DLEC1: variants seen among roughly 807,000 people sequenced by gnomAD.
DLEC1 encodes DLEC1 cilia and flagella associated protein, also known as deleted in lung and esophageal cancer protein 1.
In DLEC1, 146 loss-of-function variants were observed where a neutral mutation model predicts 198.1. That is an observed-to-expected ratio of 0.74 (90% CI 0.64 to 0.85). DLEC1 has a LOEUF of 0.85. Among genes scored for constraint, DLEC1 ranks in the 40% least tolerant of loss-of-function variants. The pLI, the probability that DLEC1 is intolerant of heterozygous loss-of-function variation, is 0.00. For missense variants in DLEC1, 2,233 were observed against 2,220.0 expected (o/e 1.01, Z -0.12); for synonymous variants, 897 against 866.8 (o/e 1.03, Z -0.61).
chr3:38,096,510 C>T (rs1339358981), intron 14 of DLEC1, 59 bp from the exon 15 acceptor site: 3 of 1,542,766 alleles, frequency 1.9e-6, no homozygotes, highest in South Asian at 2.5e-5. Flanking sequence ...GAGGCAGGGA[C>T]ACTCTAGGAT....
chr3:38,123,183 G>A lies in DLEC1; in HGVS notation c.*771G>A. On this transcript the variant is annotated 3_prime_UTR_variant, in exon 37 of 37. Coordinates refer to ENST00000308059, the MANE Select transcript of DLEC1 (RefSeq NM_007335.4). ...ACCCACCAAATTACCTCCAGACCAG[G>A]CTGACCCAGAAGGACGTCATGGACA... 1 of 1,529,540 alleles carries A rather than the reference G, an allele frequency of 6.5e-7. No individual in the cohort carries two copies. The highest frequency in any genetic ancestry group is 9.1e-7 in the Non-Finnish European group (1 of 1,103,966). 94.7% of individuals were successfully genotyped at this position (1,529,540 alleles called of 1,614,324 possible).
Position 38,039,269 on chromosome 3 carries a change from G to C in DLEC1, c.44G>C (p.Arg15Pro), listed in dbSNP as rs748605134. The C allele has an allele frequency of 4.3e-6, 7 of 1,613,644 alleles. No homozygotes were observed. In the African/African-American group the frequency reaches 8.0e-5, roughly 18 times the overall value. Residue 15 changes from arginine to proline, a missense_variant, in exon 1 of 37, where the codon CGG becomes CCG. Arg to Pro is a moderately radical substitution (Grantham distance 103). Transcript: ENST00000308059. ...SSKTRRSLAS[R>P]TNECQGTMWA... is the part of the protein sequence containing the mutation. ...AAAACGCGGAGGTCTTTAGCGTCCC[G>C]GACCAACGAGTGCCAGGGGACAATG... is the stretch of plus-strand genomic sequence containing the variant.
At chr3:38,114,694 T>C (rs1700059135) in intron 26 of DLEC1, among the ~76,000 whole-genome samples, 2 of 151,910 alleles carry the variant, frequency 1.3e-5, no homozygotes, top group South Asian at 2.1e-4. Context: ...GAGTAGTCAG[T>C]GTGGTCCGAG....
chr3:38,118,268 G>C (rs888342181), intron 33 of DLEC1, among the ~76,000 whole-genome samples: 1 of 152,136 alleles, frequency 6.6e-6, no homozygotes, highest in Non-Finnish European at 1.5e-5. Flanking sequence ...ATGCATGCAC[G>C]TGCTCCATAA....
At chr3:38,051,536 CA>C (rs1429299459) in intron 2 of DLEC1, among the ~76,000 whole-genome samples, 1 of 152,212 alleles carries the variant, frequency 6.6e-6, no homozygotes, top group Non-Finnish European at 1.5e-5. Flanking sequence ...AGTGAGTGAC[CA>C]GGGGGCTACA....
Position 38,116,669 on chromosome 3 carries a change from G to C in DLEC1, c.4062+11G>C, listed in dbSNP as rs779100153. 1 of 1,613,726 alleles carries C rather than the reference G, an allele frequency of 6.2e-7. No individual in the cohort carries two copies. The highest frequency in any genetic ancestry group is 1.7e-4 in the Middle Eastern group (1 of 6,056). Reference sequence around the variant, plus strand: ...GAAACTGACTCATCAGTGAGCAGGGGTGGAGGGGCGGGGCAGGCTGGCCAC... The same window carrying C: ...GAAACTGACTCATCAGTGAGCAGGGCTGGAGGGGCGGGGCAGGCTGGCCAC... On this transcript the variant is annotated intron_variant, in intron 28 of 36. Coordinates refer to ENST00000308059, the MANE Select transcript of DLEC1 (RefSeq NM_007335.4).
intron 6 of DLEC1, among the ~76,000 whole-genome samples, chr3:38,066,547 C>A (rs923404530): frequency 6.6e-6 from 1 of 152,200 alleles, no homozygotes; most frequent in African/African-American, 2.4e-5. Flanking sequence ...GTAATTCCTG[C>A]AAGAGCAGAG....
intron 6 of DLEC1, among the ~76,000 whole-genome samples, chr3:38,080,198 G>A (rs971378791): frequency 1.3e-5 from 2 of 152,166 alleles, no homozygotes; most frequent in Admixed American, 6.5e-5. Context: ...CTGGGCAGGT[G>A]GGGGAGGGCT....
At chr3:38,050,292 A>C (rs1268324167) in intron 2 of DLEC1, among the ~76,000 whole-genome samples, 1 of 152,124 alleles carries the variant, frequency 6.6e-6, no homozygotes, top group Non-Finnish European at 1.5e-5. Context: ...CTGAGTTTCC[A>C]GATAACGTCT....
intron 6 of DLEC1, among the ~76,000 whole-genome samples, chr3:38,073,668 G>A (rs1242736375): frequency 6.6e-6 from 1 of 152,170 alleles, no homozygotes; most frequent in African/African-American, 2.4e-5. Flanking sequence ...AACTGAAAAA[G>A]AGTGCATAAA....
At chr3:38,066,946 C>G (rs1360108278) in intron 6 of DLEC1, among the ~76,000 whole-genome samples, 4 of 152,100 alleles carry the variant, frequency 2.6e-5, no homozygotes, top group African/African-American at 9.7e-5. Context: ...TGGCAAACAC[C>G]CAGAGGAAAG....
At position 38,117,511 on chromosome 3, in the gene DLEC1, G is replaced by A. The variant is rs1398488724; in HGVS notation, c.4401-16G>A. The A allele has an allele frequency of 6.2e-7, 1 of 1,614,152 alleles. No homozygotes were observed. The highest frequency in any genetic ancestry group is 1.7e-5 in the Admixed American group (1 of 60,024). On this transcript the variant is annotated splice_polypyrimidine_tract_variant and intron_variant, in intron 31 of 36. Coordinates refer to ENST00000308059, the MANE Select transcript of DLEC1 (RefSeq NM_007335.4). ...CAGGCGCCCGGCTTGCCCCAACAAT[G>A]CCTATTGCTGGGCAGGCTAAGTGTG...
At chr3:38,084,518 GGTAGTAGTAGTA>G (rs1559430635) in intron 7 of DLEC1, among the ~76,000 whole-genome samples, 5 of 78,270 alleles carry the variant, frequency 6.4e-5, no homozygotes, top group East Asian at 8.5e-4. Flanking sequence ...TAGTAGTAGT[GGTAGTAGTAGTA>G]GTGGTGGTGG....
chr3:38,110,354 G>A, intron 23 of DLEC1, 73 bp downstream of exon 23: 1 of 1,559,934 alleles, frequency 6.4e-7, no homozygotes, highest in South Asian at 1.1e-5. Context: ...CCTCTGTGTG[G>A]CTTAGGTGGC....
At chr3:38,070,074 G>A (rs377624150) in intron 6 of DLEC1, among the ~76,000 whole-genome samples, 3 of 152,170 alleles carry the variant, frequency 2.0e-5, no homozygotes, top group Non-Finnish European at 4.4e-5. Flanking sequence ...AACAAAAGAT[G>A]TGTACCTGTA....
chr3:38,116,690 G>A, intron 28 of DLEC1, 32 bp downstream of exon 28: 1 of 1,610,770 alleles, frequency 6.2e-7, no homozygotes, highest in East Asian at 2.2e-5. Flanking sequence ...GGGCAGGCTG[G>A]CCACTGAGGG....
In DLEC1 at chr3:38,123,137, C is replaced by T; in HGVS notation, c.*725C>T. The T allele has an allele frequency of 1.2e-6, 2 of 1,614,012 alleles. No individual in the cohort carries two copies. Among genetic ancestry groups the T allele is most frequent in the Non-Finnish European group, 1.7e-6 (2 of 1,179,900 alleles). On this transcript the variant is annotated 3_prime_UTR_variant, in exon 37 of 37. Transcript: ENST00000308059. ...CTCCGTATGCCCTGTGAAAACAAAA[C>T]TTAATTGGCTGGGCAAAGGCACCCA... is the stretch of plus-strand genomic sequence containing the variant.
At chr3:38,095,786 G>C in intron 13 of DLEC1, 102 bp from the exon 14 acceptor site, 3 of 1,467,420 alleles carry the variant, frequency 2.0e-6, no homozygotes, top group South Asian at 2.4e-5. Flanking sequence ...CCTTCTGATG[G>C]CTAGGCTAAG....
chr3:38,069,777 C>G (rs1013410174), intron 6 of DLEC1, among the ~76,000 whole-genome samples: 3 of 152,172 alleles, frequency 2.0e-5, no homozygotes, highest in Non-Finnish European at 2.9e-5. Flanking sequence ...CAATACCATC[C>G]CATGGTGCTC....
Sources: allele counts gnomAD v4.1 joint callset (sites outside exome capture counted in the v4.1 genomes callset), GRCh38; gene constraint gnomAD v4.1.1; transcripts MANE v1.5; gene names NCBI Gene and HGNC (gene_info 2026-07-23, HGNC 2026-07-21).